The following LYNX1 variants were observed in gnomAD, a reference collection of about 807,000 sequenced individuals.
LYNX1 encodes the protein Ly6/neurotoxin 1.
LYNX1 carries 8 observed loss-of-function variants against 8.3 expected under a neutral mutation model. The observed-to-expected ratio is 0.97, with a 90% CI of 0.57 to 1.74. The LOEUF is 1.74. LYNX1 is among the 40% of genes most tolerant of loss of function. LYNX1 has a pLI of 0.00. For synonymous variants in LYNX1, 73 were observed against 67.9 expected, an observed-to-expected ratio of 1.08 and a Z score of -0.37; for missense variants, 158 against 159.7, an observed-to-expected ratio of 0.99 and a Z score of 0.06.
Position 142,771,621 on chromosome 8 carries a change from G to C in LYNX1, c.*3546C>G, listed in dbSNP as rs1815180765. ...CCCTCCCTGCGAGCTGAGGTTTGAA[G>C]AGGAGAGCAGACCACCCAGAGTAGT... is the stretch of plus-strand genomic sequence containing the variant. On this transcript the variant is annotated 3_prime_UTR_variant, in exon 4 of 4. Coordinates refer to ENST00000652477, the MANE Select transcript of LYNX1 (RefSeq NM_177477.4). 1 of 985,776 alleles carries C rather than the reference G, an allele frequency of 1.0e-6. No homozygotes were observed. Among genetic ancestry groups the C allele is most frequent in the Non-Finnish European group, 1.2e-6 (1 of 829,970 alleles). The allele number at this position is 985,776 out of a possible 1,614,324, so 61.1% of individuals were successfully genotyped here.
rs1267605972 is a variant in LYNX1 at position 142,772,480 on chromosome 8, T to G, written c.*2687A>C. The G allele has an allele frequency of 5.1e-6, 5 of 985,338 alleles. No individual in the cohort carries two copies. The highest frequency in any genetic ancestry group is 1.7e-5 in the African/African-American group (1 of 57,254). The allele number at this position is 985,338 out of a possible 1,614,324, so 61.0% of individuals were successfully genotyped here. A position where few individuals can be genotyped will look rare whatever the true frequency, so the allele number is the denominator to read the frequency against. On this transcript the variant is annotated 3_prime_UTR_variant, in exon 4 of 4. Transcript: ENST00000652477. The stretch of plus-strand genomic sequence containing the variant: ...GCTTGGGGGTCCAAGGAACCCCAGC[T>G]GGTGGGAGAAGCGGCTGCACTGTGG...
Position 142,774,659 on chromosome 8 carries a change from C to T in LYNX1, c.*508G>A. ...GTGCCAAAGGCCCTCCTCCCACAGC[C>T]CTGATCCCGTACCGGTCCTGGCAGC... On this transcript the variant is annotated 3_prime_UTR_variant, in exon 4 of 4. Coordinates refer to ENST00000652477, the MANE Select transcript of LYNX1 (RefSeq NM_177477.4). 1 of 989,528 alleles carries T rather than the reference C, an allele frequency of 1.0e-6. No individual in the cohort carries two copies. The highest frequency in any genetic ancestry group is 1.2e-6 in the Non-Finnish European group (1 of 832,570). The allele number at this position is 989,528 out of a possible 1,614,324, so 61.3% of individuals were successfully genotyped here.
chr8:142,775,227 G>A lies in LYNX1; in HGVS notation c.291C>T (p.Ala97=), dbSNP rs781741686. 2 of 1,613,390 alleles carry A rather than the reference G, an allele frequency of 1.2e-6. No individual in the cohort carries two copies. The highest frequency in any genetic ancestry group is 1.7e-6 in the Non-Finnish European group (2 of 1,179,800). ...QYDLCNGTGL[A]TPATLALAPI... Reference sequence around the variant, plus strand: ...GGGCCAGGGCCAGGGTGGCCGGGGTGGCAAGGCCGGTGCCGTTGCAGAGGT... The same window carrying A: ...GGGCCAGGGCCAGGGTGGCCGGGGTAGCAAGGCCGGTGCCGTTGCAGAGGT... Residue 97 remains alanine, a synonymous_variant, in exon 4 of 4, where the codon GCC becomes GCT. Coordinates refer to ENST00000652477, the MANE Select transcript of LYNX1 (RefSeq NM_177477.4).
Position 142,772,693 on chromosome 8 carries a change from G to T in LYNX1, c.*2474C>A, listed in dbSNP as rs765947604. 2.3e-5 allele frequency: 23 copies of T among 985,508 alleles called. No individual in the cohort carries two copies. Among genetic ancestry groups the T allele is most frequent in the Non-Finnish European group, 2.7e-5 (22 of 830,068 alleles). 61.0% of individuals were successfully genotyped at this position (985,508 alleles called of 1,614,324 possible). A position where few individuals can be genotyped will look rare whatever the true frequency, so the allele number is the denominator to read the frequency against. The stretch of plus-strand genomic sequence containing the variant: ...ATCGCCACCTTGATGCATACAACCC[G>T]GACAAGTTTACTGCTGTGATTTCTG... On this transcript the variant is annotated 3_prime_UTR_variant, in exon 4 of 4. Transcript: ENST00000652477.
chr8:142,774,876 C>G lies in LYNX1; in HGVS notation c.*291G>C. ...CACAGCTCCCATCTGCTCAGTGCTC[C>G]CTGCCTGACTGGGCCCCTCCCCATA... is the stretch of plus-strand genomic sequence containing the variant. On this transcript the variant is annotated 3_prime_UTR_variant, in exon 4 of 4. Transcript: ENST00000652477. 7.5e-7 allele frequency: 1 copy of G among 1,325,546 alleles called. No homozygotes were observed. The highest frequency in any genetic ancestry group is 9.7e-7 in the Non-Finnish European group (1 of 1,035,870). The allele number at this position is 1,325,546 out of a possible 1,614,324, so 82.1% of individuals were successfully genotyped here.
In LYNX1 at chr8:142,771,516, C is replaced by T; in HGVS notation, c.*3651G>A. ...TCTCGGGCTGCCCAGGTGGCTCTGTCCACCCTTCTGTCTGGGAGGCTCCTT... is the reference window on the plus strand; with the variant it reads ...TCTCGGGCTGCCCAGGTGGCTCTGTTCACCCTTCTGTCTGGGAGGCTCCTT... On this transcript the variant is annotated 3_prime_UTR_variant, in exon 4 of 4. Transcript: ENST00000652477. 2 of 985,364 alleles carry T rather than the reference C, an allele frequency of 2.0e-6. No homozygotes were observed. Among genetic ancestry groups the T allele is most frequent in the South Asian group, 4.7e-5 (1 of 21,272 alleles). The allele number at this position is 985,364 out of a possible 1,614,324, so 61.0% of individuals were successfully genotyped here. A position where few individuals can be genotyped will look rare whatever the true frequency, so the allele number is the denominator to read the frequency against.
rs752145017 is a variant in LYNX1 at position 142,771,985 on chromosome 8, T to G, written c.*3182A>C. ...AGCTCCGACTTCTCTAGTGGCTGAT[T>G]GCAGTTCCCAGAATGTATAACATCC... On this transcript the variant is annotated 3_prime_UTR_variant, in exon 4 of 4. Coordinates refer to ENST00000652477, the MANE Select transcript of LYNX1 (RefSeq NM_177477.4). The G allele has an allele frequency of 1.0e-6, 1 of 985,942 alleles. No homozygotes were observed. The highest frequency in any genetic ancestry group is 1.7e-5 in the African/African-American group (1 of 57,180). The allele number at this position is 985,942 out of a possible 1,614,324, so 61.1% of individuals were successfully genotyped here.
In LYNX1 at chr8:142,775,516, C is replaced by G. The variant is rs184032791; in HGVS notation, c.154+77G>C. On this transcript the variant is annotated intron_variant, in intron 3 of 3. Coordinates refer to ENST00000652477, the MANE Select transcript of LYNX1 (RefSeq NM_177477.4). The stretch of plus-strand genomic sequence containing the variant: ...ACAGGAGAGCCTCCTTCCTCAGGAC[C>G]CCCGCATGCTCAGGGGCAGGGCAGA... 1,857 of 1,553,474 alleles carry G rather than the reference C, an allele frequency of 1.2e-3. 3 individuals carry two copies. Among genetic ancestry groups the G allele is most frequent in the Non-Finnish European group, 1.5e-3 (1,692 of 1,147,714 alleles).
rs373463543 is a variant in LYNX1 at position 142,774,218 on chromosome 8, G to A, written c.*949C>T. The stretch of plus-strand genomic sequence containing the variant: ...AGGGTGGCATGCTCCGCCTTCCCAC[G>A]CCCAGGCCCGCGCCGGCCCCAGGCT... On this transcript the variant is annotated 3_prime_UTR_variant, in exon 4 of 4. Coordinates refer to ENST00000652477, the MANE Select transcript of LYNX1 (RefSeq NM_177477.4). The A allele has an allele frequency of 0.012, 10,946 of 947,918 alleles. 67 individuals carry two copies. The highest frequency in any genetic ancestry group is 0.02 in the Admixed American group (191 of 9,696). 58.7% of individuals were successfully genotyped at this position (947,918 alleles called of 1,614,324 possible).
At chr8:142,777,220 C>G (rs991004776), upstream of LYNX1, 6 of 154,008 alleles carry the variant, frequency 3.9e-5, no homozygotes, top group African/African-American at 1.4e-4. Flanking sequence ...CCGCAGCACC[C>G]GTGCCGCATC....
rs1815240700 is a variant in LYNX1, at chr8:142,772,848, A to G, written c.*2319T>C. ...GCCAAGGGCAGGCCAGCCAGGCAGA[A>G]CCATGTGTGGGGCTGGGACAGGTCA... On this transcript the variant is annotated 3_prime_UTR_variant, in exon 4 of 4. Coordinates refer to ENST00000652477, the MANE Select transcript of LYNX1 (RefSeq NM_177477.4). 1.0e-6 allele frequency: 1 copy of G among 985,886 alleles called. No individual in the cohort carries two copies. The highest frequency in any genetic ancestry group is 4.7e-5 in the South Asian group (1 of 21,294). The allele number at this position is 985,886 out of a possible 1,614,324, so 61.1% of individuals were successfully genotyped here.
chr8:142,775,563 G>C, intron 3 of LYNX1, 30 bp downstream of exon 3: 1 of 1,566,752 alleles, frequency 6.4e-7, no homozygotes, highest in Non-Finnish European at 8.7e-7. Flanking sequence ...GTGCTCCCCA[G>C]GCAGGGCCAC....
chr8:142,777,075 G>A (rs1815453293), intron 1 of LYNX1, 31 bp downstream of exon 1: 1 of 151,652 alleles, frequency 6.6e-6, no homozygotes, highest in South Asian at 2.1e-4. Context: ...GAGGGCTCTC[G>A]GCGCGAGCGG....
At chr8:142,777,448 C>T (rs1488787515), upstream of LYNX1, 4 of 269,852 alleles carry the variant, frequency 1.5e-5, 1 homozygote, top group African/African-American at 9.1e-5. Flanking sequence ...TCCTGGGCAC[C>T]CGCCGAGCCG....
At chr8:142,776,208 G>T in intron 1 of LYNX1, 87 bp from the exon 2 acceptor site, 2 of 551,892 alleles carry the variant, frequency 3.6e-6, no homozygotes, top group East Asian at 6.2e-5. Flanking sequence ...TGGGCAGAGG[G>T]GCCACCTAAC....
In LYNX1 at chr8:142,774,616, T is replaced by C. The variant is rs587738128; in HGVS notation, c.*551A>G. 9 of 986,106 alleles carry C rather than the reference T, an allele frequency of 9.1e-6. No homozygotes were observed. In the South Asian group the frequency reaches 3.3e-4, roughly 36 times the overall value. 61.1% of individuals were successfully genotyped at this position (986,106 alleles called of 1,614,324 possible). A position where few individuals can be genotyped will look rare whatever the true frequency, so the allele number is the denominator to read the frequency against. The stretch of plus-strand genomic sequence containing the variant: ...TGGCTCCAACTCGGGCCTGGCAGAC[T>C]TCCTAGCACAGGGGCCGGTGCCAAA... On this transcript the variant is annotated 3_prime_UTR_variant, in exon 4 of 4. Coordinates refer to ENST00000652477, the MANE Select transcript of LYNX1 (RefSeq NM_177477.4).
chr8:142,772,519 G>A lies in LYNX1; in HGVS notation c.*2648C>T. ...GCTGCACTGTGGTGCAGGGGGTGGT[G>A]AGTGAGCGAGGAGGCACTAGTGTGG... On this transcript the variant is annotated 3_prime_UTR_variant, in exon 4 of 4. Coordinates refer to ENST00000652477, the MANE Select transcript of LYNX1 (RefSeq NM_177477.4). 1.0e-6 allele frequency: 1 copy of A among 985,482 alleles called. No individual in the cohort carries two copies. Among genetic ancestry groups the A allele is most frequent in the East Asian group, 1.1e-4 (1 of 8,814 alleles). 61.0% of individuals were successfully genotyped at this position (985,482 alleles called of 1,614,324 possible).
chr8:142,775,036 C>T lies in LYNX1; in HGVS notation c.*131G>A. Reference sequence around the variant, plus strand: ...GGGGGAGGTCGGGTGTCTTCTTGCCCACAGTCCTGACCCTGGGCATGGCTG... The same window carrying T: ...GGGGGAGGTCGGGTGTCTTCTTGCCTACAGTCCTGACCCTGGGCATGGCTG... On this transcript the variant is annotated 3_prime_UTR_variant, in exon 4 of 4. Coordinates refer to ENST00000652477, the MANE Select transcript of LYNX1 (RefSeq NM_177477.4). The T allele has an allele frequency of 3.4e-6, 5 of 1,450,332 alleles. No individual in the cohort carries two copies. In the South Asian group the frequency reaches 5.7e-5, roughly 17 times the overall value. 89.8% of individuals were successfully genotyped at this position (1,450,332 alleles called of 1,614,324 possible). A position where few individuals can be genotyped will look rare whatever the true frequency, so the allele number is the denominator to read the frequency against.
Position 142,776,015 on chromosome 8 carries a change from T to C in LYNX1, c.-58A>G. On this transcript the variant is annotated 5_prime_UTR_variant, in exon 2 of 4. Coordinates refer to ENST00000652477, the MANE Select transcript of LYNX1 (RefSeq NM_177477.4). ...GAGGTCAACAGCAGCTAGCCCTGGA[T>C]CCAACTCAGGGGTGGCGCACAGAGG... 1 of 1,598,710 alleles carries C rather than the reference T, an allele frequency of 6.3e-7. No individual in the cohort carries two copies. Among genetic ancestry groups the C allele is most frequent in the Non-Finnish European group, 8.6e-7 (1 of 1,169,574 alleles).
Sources: gnomAD v4.1 joint callset for allele counts on GRCh38, gnomAD v4.1.1 for gene constraint, MANE v1.5 for transcripts, NCBI Gene and HGNC (gene_info 2026-07-23, HGNC 2026-07-21) for gene names.